The following CMIP variants were observed in gnomAD, a reference collection of about 807,000 sequenced individuals.
CMIP encodes c-Maf inducing protein.
CMIP carries 13 observed loss-of-function variants against 97.3 expected under a neutral mutation model. The observed-to-expected ratio is 0.13, with a 90% CI of 0.09 to 0.21. The LOEUF (loss-of-function observed/expected upper bound fraction) is 0.21. Ranked by LOEUF, CMIP falls within the 10% of genes least tolerant of loss-of-function variation. The pLI is 1.00. For synonymous variants in CMIP, 538 were observed against 436.3 expected, an observed-to-expected ratio of 1.23 and a Z score of -2.91; for missense variants, 847 against 1,024.9, an observed-to-expected ratio of 0.83 and a Z score of 2.37.
Position 81,678,418 on chromosome 16 carries a change from A to C in CMIP, c.1178A>C (p.Lys393Thr). ...QEATLSEARL[K>T]SVVVASSEIH... Reference sequence around the variant, plus strand: ...GCCACGCTGTCTGAGGCCCGGCTCAAGTCGGTGGTCGTGGCCTCCAGTGAG... The same window carrying C: ...GCCACGCTGTCTGAGGCCCGGCTCACGTCGGTGGTCGTGGCCTCCAGTGAG... The change falls in exon 10 of 21, where the codon AAG (lysine) becomes ACG (threonine). Residue 393 changes from lysine (K) to threonine (T), a missense_variant. By Grantham distance (78) the Lys-to-Thr change is moderately conservative. Around this residue, in one of 4 missense-constraint regions of CMIP, gnomAD observed 202 missense variants for 168.7 expected, o/e 1.20. Transcript: ENST00000537098. 6.3e-7 allele frequency: 1 copy of C among 1,598,666 alleles called. No homozygotes were observed. The highest frequency in any genetic ancestry group is 8.5e-7 in the Non-Finnish European group (1 of 1,173,380).
At chr16:81,558,767 C>G (rs887632198) in intron 1 of CMIP, among the ~76,000 whole-genome samples, 10 of 152,192 alleles carry the variant, frequency 6.6e-5, no homozygotes, top group African/African-American at 2.2e-4. Flanking sequence ...CTTGGATTGT[C>G]TCATTTCAGT....
intron 3 of CMIP, among the ~76,000 whole-genome samples, chr16:81,648,566 G>A (rs905798819): frequency 1.3e-4 from 20 of 151,928 alleles, no homozygotes; most frequent in East Asian, 3.9e-4. Flanking sequence ...GGTGGATCAC[G>A]TGAGATCAGG....
intron 3 of CMIP, chr16:81,645,683 C>A: frequency 6.8e-7 from 1 of 1,462,864 alleles, no homozygotes. Flanking sequence ...GGAGGCTCTG[C>A]CTGCTGTCTC....
chr16:81,459,351 T>C (rs985645238), intron 1 of CMIP, among the ~76,000 whole-genome samples: 2 of 152,122 alleles, frequency 1.3e-5, no homozygotes, highest in Non-Finnish European at 2.9e-5. Flanking sequence ...CGTGGCCCTG[T>C]GCTGTGACCC....
intron 3 of CMIP, among the ~76,000 whole-genome samples, chr16:81,629,795 A>G (rs1489153383): frequency 6.6e-6 from 1 of 152,214 alleles, no homozygotes; most frequent in Non-Finnish European, 1.5e-5. Context: ...ATCGTCCGTG[A>G]AGAGGCTGGG....
At chr16:81,604,796 C>T (rs1392156878) in intron 1 of CMIP, among the ~76,000 whole-genome samples, 1 of 152,242 alleles carries the variant, frequency 6.6e-6, no homozygotes, top group Non-Finnish European at 1.5e-5. Flanking sequence ...CACGTTAAGA[C>T]AGCTAAGGCA....
At chr16:81,607,343 C>G (rs986868524) in intron 1 of CMIP, among the ~76,000 whole-genome samples, 1 of 152,218 alleles carries the variant, frequency 6.6e-6, no homozygotes, top group Admixed American at 6.5e-5. Flanking sequence ...TAACTCTGCA[C>G]CTCCAAACGT....
chr16:81,668,700 T>G (rs903520614), intron 7 of CMIP, among the ~76,000 whole-genome samples: 1 of 152,048 alleles, frequency 6.6e-6, no homozygotes, highest in Non-Finnish European at 1.5e-5. Flanking sequence ...CCCCTCATCA[T>G]AGTGACACGT....
chr16:81,702,762 G>A (rs1369146427), intron 17 of CMIP, 93 bp downstream of exon 17: 49 of 1,094,060 alleles, frequency 4.5e-5, no homozygotes, highest in Non-Finnish European at 5.9e-5. Flanking sequence ...TGCTGAGATG[G>A]GAGGTGATGG....
intron 2 of CMIP, among the ~76,000 whole-genome samples, chr16:81,615,190 G>T (rs2091895465): frequency 6.6e-6 from 1 of 151,146 alleles, no homozygotes; most frequent in Non-Finnish European, 1.5e-5. Flanking sequence ...GTGTATGTGT[G>T]GTGTGTGTGC....
intron 3 of CMIP, chr16:81,631,985 G>C (rs1389336078): frequency 6.6e-6 from 1 of 152,148 alleles, no homozygotes. Flanking sequence ...AGGACAAAGA[G>C]AACTAAGAAA....
At chr16:81,634,832 T>C (rs887501863) in intron 3 of CMIP, among the ~76,000 whole-genome samples, 1 of 152,090 alleles carries the variant, frequency 6.6e-6, no homozygotes, top group Non-Finnish European at 1.5e-5. Context: ...AACAAAGCCA[T>C]GAACAGATCA....
intron 1 of CMIP, among the ~76,000 whole-genome samples, chr16:81,529,665 C>T (rs927325143): frequency 6.6e-6 from 1 of 152,112 alleles, no homozygotes; most frequent in Non-Finnish European, 1.5e-5. Context: ...GGGTCCCTAC[C>T]AGGGACAGAG....
intron 14 of CMIP, among the ~76,000 whole-genome samples, chr16:81,698,974 G>A (rs1251137118): frequency 3.9e-5 from 6 of 152,178 alleles, no homozygotes; most frequent in South Asian, 4.1e-4. Flanking sequence ...AGCAAGGGCC[G>A]GGCACAGTGG....
At chr16:81,576,669 G>A (rs1241248987) in intron 1 of CMIP, among the ~76,000 whole-genome samples, 2 of 152,120 alleles carry the variant, frequency 1.3e-5, no homozygotes, top group Admixed American at 1.3e-4. Context: ...ACCCACTGCT[G>A]TGTACTTGCT....
At chr16:81,597,290 T>A (rs952257040) in intron 1 of CMIP, among the ~76,000 whole-genome samples, 1 of 152,232 alleles carries the variant, frequency 6.6e-6, no homozygotes. Flanking sequence ...TTATCATTTT[T>A]CATCTTTTCC....
intron 1 of CMIP, among the ~76,000 whole-genome samples, chr16:81,448,454 C>T (rs1681104299): frequency 6.6e-6 from 1 of 152,246 alleles, no homozygotes; most frequent in African/African-American, 2.4e-5. Context: ...GTCCCACCTG[C>T]TGGGTGACAC....
In CMIP at chr16:81,567,521, A is replaced by G. The variant is rs9925398; in HGVS notation, c.301-40046A>G. 9.0e-3 allele frequency among the ~76,000 whole-genome samples: 1,367 copies of G among 152,312 alleles called. 20 individuals carry two copies. The highest frequency in any genetic ancestry group is 0.031 in the African/African-American group (1,304 of 41,560). On this transcript the variant is annotated intron_variant, in intron 1 of 20. Transcript: ENST00000537098. ...ATTCCCTTGCTGCACAACTTTGGGT[A>G]AGGGATGCCACGTCTCTGGGCCTCA...
At chr16:81,498,722 C>A (rs548677229) in intron 1 of CMIP, among the ~76,000 whole-genome samples, 62 of 152,306 alleles carry the variant, frequency 4.1e-4, no homozygotes, top group South Asian at 1.7e-3. Flanking sequence ...GGCATGCACT[C>A]CCCCAGGCGT....
Sources: allele counts gnomAD v4.1 joint callset (sites outside exome capture counted in the v4.1 genomes callset), GRCh38; gene constraint gnomAD v4.1.1; regional missense constraint gnomAD v4.1.1; transcripts MANE v1.5; gene names NCBI Gene and HGNC (gene_info 2026-07-23, HGNC 2026-07-21).